Variants in CSMD3 observed in about 807,000 individuals in gnomAD.
CSMD3 encodes the protein CUB and Sushi multiple domains 3.
Under a neutral mutation model 435.2 loss-of-function variants are expected in CSMD3, and 177 were observed. The observed-to-expected ratio is 0.41, with a 90% CI of 0.36 to 0.46. The LOEUF (loss-of-function observed/expected upper bound fraction) is 0.46. Ranked by LOEUF, CSMD3 falls within the 20% of genes least tolerant of loss-of-function variation. The pLI is 0.34. For synonymous variants in CSMD3, 1,656 were observed against 1,520.5 expected, an observed-to-expected ratio of 1.09 and a Z score of -2.07; for missense variants, 4,265 against 4,504.6, an observed-to-expected ratio of 0.95 and a Z score of 1.52.
intron 37 of CSMD3, among the ~76,000 whole-genome samples, chr8:112,382,562 AATATGTTAGCTATATTT>A: frequency 6.6e-6 from 1 of 152,324 alleles, no homozygotes; most frequent in African/African-American, 2.4e-5. Flanking sequence ...TGAGTAAGTT[AATATGTTAGCTATATTT>A]ATATTTCTAG....
At chr8:113,105,345 C>T (rs2090444419) in intron 4 of CSMD3, among the ~76,000 whole-genome samples, 1 of 152,000 alleles carries the variant, frequency 6.6e-6, no homozygotes, top group Non-Finnish European at 1.5e-5. Context: ...AGAGGGATTA[C>T]AAGTAGAGCA....
chr8:112,579,560 TTTAAG>T (rs1275084235), intron 23 of CSMD3, among the ~76,000 whole-genome samples: 2 of 152,142 alleles, frequency 1.3e-5, no homozygotes, highest in African/African-American at 2.4e-5. Flanking sequence ...TTTAATATAA[TTTAAG>T]TTAATTTAAT....
At chr8:112,864,457 G>A (rs1001566219) in intron 10 of CSMD3, among the ~76,000 whole-genome samples, 1 of 151,892 alleles carries the variant, frequency 6.6e-6, no homozygotes, top group African/African-American at 2.4e-5. Flanking sequence ...CACCATGTTG[G>A]CCAGGCTGGT....
chr8:112,533,043 G>T (rs1026559561), intron 27 of CSMD3, among the ~76,000 whole-genome samples: 2 of 152,012 alleles, frequency 1.3e-5, no homozygotes, highest in African/African-American at 4.8e-5. Context: ...GTAGCCATTA[G>T]TTTAAAATAA....
chr8:113,241,288 A>G (rs2093212967), intron 3 of CSMD3, among the ~76,000 whole-genome samples: 1 of 152,122 alleles, frequency 6.6e-6, no homozygotes, highest in Non-Finnish European at 1.5e-5. Context: ...TTGCTGTATC[A>G]ATGGCAACAA....
chr8:113,116,109 T>G (rs1047347495), intron 4 of CSMD3, among the ~76,000 whole-genome samples: 1 of 152,108 alleles, frequency 6.6e-6, no homozygotes, highest in Non-Finnish European at 1.5e-5. Context: ...ATGGTATTTC[T>G]TATATCAGGA....
chr8:112,538,575 AT>A (rs1826356343), intron 27 of CSMD3, among the ~76,000 whole-genome samples: 1 of 152,146 alleles, frequency 6.6e-6, no homozygotes. Context: ...CTGAAAAAAA[AT>A]CATGAAATAA....
At chr8:113,416,194 G>A (rs976350005) in intron 1 of CSMD3, among the ~76,000 whole-genome samples, 4 of 151,916 alleles carry the variant, frequency 2.6e-5, no homozygotes, top group African/African-American at 7.3e-5. Context: ...CAATTTTCAG[G>A]TATTAAAGCA....
chr8:112,987,003 T>A (rs943865424), intron 6 of CSMD3, among the ~76,000 whole-genome samples: 1 of 152,248 alleles, frequency 6.6e-6, no homozygotes, highest in African/African-American at 2.4e-5. Flanking sequence ...TGTGTATATA[T>A]GTATATATCT....
intron 5 of CSMD3, among the ~76,000 whole-genome samples, chr8:113,081,278 C>A (rs958800612): frequency 1.3e-5 from 2 of 152,122 alleles, no homozygotes; most frequent in Admixed American, 1.3e-4. Flanking sequence ...CACTGTGAAG[C>A]CTCTGTAGAA....
chr8:112,664,178 T>C (rs2075460263), intron 17 of CSMD3, among the ~76,000 whole-genome samples: 1 of 152,186 alleles, frequency 6.6e-6, no homozygotes, highest in South Asian at 2.1e-4. Flanking sequence ...TGACATATTA[T>C]ATAAATATAT....
At chr8:112,939,001 AATATG>A (rs1480469864) in intron 9 of CSMD3, among the ~76,000 whole-genome samples, 4 of 152,258 alleles carry the variant, frequency 2.6e-5, no homozygotes, top group African/African-American at 7.2e-5. Context: ...TTTGAGTTAA[AATATG>A]ATATATGTAT....
chr8:112,310,980 T>G lies in CSMD3; in HGVS notation c.7883A>C (p.Gln2628Pro). Residue 2628 changes from glutamine to proline, a missense_variant and splice_region_variant, in exon 50 of 71, where the codon CAA (glutamine) becomes CCA (proline). Physicochemically the swap from Gln to Pro is moderately conservative, Grantham distance 76. This residue lies in a region of CSMD3 where 3,255 missense variants were observed against 3,380.2 expected (regional missense o/e 0.96). Coordinates refer to ENST00000297405, the MANE Select transcript of CSMD3 (RefSeq NM_198123.2). ...CATTTTGGCATAATATACTTCACCT[T>G]GACAGGCAGGGACTGGCGCATCCCA... ...HAWDAPVPAC[Q>P]AISCGIPKAP... 1 of 1,613,618 alleles carries G rather than the reference T, an allele frequency of 6.2e-7. No homozygotes were observed. Among genetic ancestry groups the G allele is most frequent in the Non-Finnish European group, 8.5e-7 (1 of 1,179,552 alleles).
chr8:113,058,679 C>G lies in CSMD3; in HGVS notation c.918-39500G>C, dbSNP rs944850579. 1.4e-4 allele frequency among the ~76,000 whole-genome samples: 22 copies of G among 151,898 alleles called. 1 individual carries two copies. The highest frequency in any genetic ancestry group is 2.0e-4 in the Admixed American group (3 of 15,242). ...TTGCAATTTTTATTTTAAATGTTCC[C>G]TTAGGTACTGTTTCTACTTTAATTA... On this transcript the variant is annotated intron_variant, in intron 5 of 70. Coordinates refer to ENST00000297405, the MANE Select transcript of CSMD3 (RefSeq NM_198123.2).
At chr8:112,618,690 A>G (rs988940636) in intron 22 of CSMD3, among the ~76,000 whole-genome samples, 2 of 151,920 alleles carry the variant, frequency 1.3e-5, no homozygotes, top group African/African-American at 4.8e-5. Flanking sequence ...AACCATAAAG[A>G]AAGTTGAAAA....
At chr8:113,307,193 AAACTT>A (rs2093828311) in intron 2 of CSMD3, among the ~76,000 whole-genome samples, 1 of 152,126 alleles carries the variant, frequency 6.6e-6, no homozygotes, top group African/African-American at 2.4e-5. Flanking sequence ...TTTCTGGAAA[AAACTT>A]AGTTTATCAA....
intron 22 of CSMD3, among the ~76,000 whole-genome samples, chr8:112,592,197 A>C (rs1251427817): frequency 6.6e-6 from 1 of 152,048 alleles, no homozygotes; most frequent in Non-Finnish European, 1.5e-5. Flanking sequence ...TAGGCATTTC[A>C]ATAATACTTG....
In CSMD3 at chr8:112,941,706, A is replaced by G. The variant is rs1043259301; in HGVS notation, c.1508+6084T>C. The stretch of plus-strand genomic sequence containing the variant: ...AGTAACATATTATCATTAAAATAAC[A>G]TGTGTATATGTGGATATATATCACT... On this transcript the variant is annotated intron_variant, in intron 9 of 70. Transcript: ENST00000297405. Among the ~76,000 whole-genome samples the G allele has an allele frequency of 4.0e-5, 6 of 151,854 alleles. No homozygotes were observed. In the Admixed American group the frequency reaches 4.0e-4, roughly 10 times the overall value.
intron 3 of CSMD3, among the ~76,000 whole-genome samples, chr8:113,177,358 C>A (rs1182583116): frequency 1.3e-5 from 2 of 151,906 alleles, no homozygotes; most frequent in African/African-American, 4.8e-5. Flanking sequence ...GCAAGCTAGA[C>A]ACATTATACT....
Sources: gnomAD v4.1 joint callset for allele counts (sites outside exome capture counted in the v4.1 genomes callset) on GRCh38, gnomAD v4.1.1 for gene constraint, gnomAD v4.1.1 regional missense constraint, MANE v1.5 for transcripts, NCBI Gene and HGNC (gene_info 2026-07-23, HGNC 2026-07-21) for gene names.